EPB41L4A: variants seen among roughly 807,000 people sequenced by gnomAD.
EPB41L4A encodes the protein erythrocyte membrane protein band 4.1 like 4A.
EPB41L4A carries 100 observed loss-of-function variants against 108.6 expected under a neutral mutation model. The observed-to-expected ratio is 0.92, with a 90% CI of 0.78 to 1.09. The LOEUF (loss-of-function observed/expected upper bound fraction) is 1.09, where lower values mean the gene tolerates loss of function less well. EPB41L4A is among the 50% of genes least tolerant of loss of function. The pLI, the probability that EPB41L4A is intolerant of heterozygous loss-of-function variation, is 0.00. For synonymous variants in EPB41L4A, 319 were observed against 289.0 expected (o/e 1.10, Z -1.05); for missense variants, 1,030 against 842.7 (o/e 1.22, Z -2.75).
At chr5:112,180,916 G>A (rs1323692899) in intron 18 of EPB41L4A, among the ~76,000 whole-genome samples, 1 of 152,120 alleles carries the variant, frequency 6.6e-6, no homozygotes, top group East Asian at 1.9e-4. Flanking sequence ...CTTTAAAAAT[G>A]AAGATATATG....
chr5:112,241,160 G>A (rs1295426649), intron 9 of EPB41L4A, among the ~76,000 whole-genome samples: 2 of 152,048 alleles, frequency 1.3e-5, no homozygotes, highest in South Asian at 2.1e-4. Flanking sequence ...TCAACTCCCA[G>A]TAAAAAAAAG....
intron 12 of EPB41L4A, among the ~76,000 whole-genome samples, chr5:112,149,510 T>C (rs1265037852): frequency 6.6e-6 from 1 of 152,160 alleles, no homozygotes; most frequent in African/African-American, 2.4e-5. Context: ...CTCTAAATTA[T>C]GAATTATTTT....
chr5:112,288,399 A>G lies in EPB41L4A; in HGVS notation c.205-8076T>C, dbSNP rs79045804. 1.8e-4 allele frequency among the ~76,000 whole-genome samples: 28 copies of G among 152,314 alleles called. No homozygotes were observed. The East Asian group carries it at 5.2e-3, about 28-fold the overall frequency. On this transcript the variant is annotated intron_variant, in intron 2 of 22. Coordinates refer to ENST00000261486, the MANE Select transcript of EPB41L4A (RefSeq NM_022140.5). ...CTGAAAAGAGGCCTTTGAACTCCCA[A>G]TCTTCCTTAGGCAAAATCCAGGCCG...
intron 1 of EPB41L4A, among the ~76,000 whole-genome samples, chr5:112,347,061 G>C (rs1254752150): frequency 6.7e-6 from 1 of 148,250 alleles, no homozygotes. Context: ...ACAGTGCTCA[G>C]TGTGCTAAGA....
At chr5:112,165,170 A>G in intron 22 of EPB41L4A, 52 bp from the exon 23 acceptor site, 2 of 1,436,106 alleles carry the variant, frequency 1.4e-6, no homozygotes, top group Non-Finnish European at 1.9e-6. Flanking sequence ...CAGCCAAATG[A>G]AGTATTTTAA....
At position 112,194,494 on chromosome 5, in the gene EPB41L4A, G is replaced by A. The variant is rs565557103; in HGVS notation, c.1502+74C>T. The A allele has an allele frequency of 9.2e-5, 76 of 825,228 alleles. 1 individual carries two copies. The South Asian group carries it at 1.4e-3, about 16-fold the overall frequency. The allele number at this position is 825,228 out of a possible 1,614,324, so 51.1% of individuals were successfully genotyped here. On this transcript the variant is annotated intron_variant, in intron 17 of 22. Coordinates refer to ENST00000261486, the MANE Select transcript of EPB41L4A (RefSeq NM_022140.5). Reference sequence around the variant, plus strand: ...CAGATGGAAAAAACAGACTTACAAAGGACACTCAGTTTCTACCACCAAGGG... The same window carrying A: ...CAGATGGAAAAAACAGACTTACAAAAGACACTCAGTTTCTACCACCAAGGG...
At chr5:112,239,062 G>A (rs1256824402) in intron 11 of EPB41L4A, among the ~76,000 whole-genome samples, 2 of 152,180 alleles carry the variant, frequency 1.3e-5, no homozygotes, top group Non-Finnish European at 2.9e-5. Context: ...ATTACCTGGA[G>A]AAGGGACTTG....
At chr5:112,360,279 G>A (rs1164940006) in intron 1 of EPB41L4A, among the ~76,000 whole-genome samples, 2 of 151,936 alleles carry the variant, frequency 1.3e-5, no homozygotes, top group African/African-American at 2.4e-5. Flanking sequence ...ACTGACCCTC[G>A]ACCCTCTCCC....
At chr5:112,277,548 G>A (rs1488943275) in intron 3 of EPB41L4A, among the ~76,000 whole-genome samples, 1 of 152,016 alleles carries the variant, frequency 6.6e-6, no homozygotes, top group Non-Finnish European at 1.5e-5. Flanking sequence ...ACAAAAACTT[G>A]GGAACATATG....
chr5:112,145,492 C>T (rs1007499693), intron 13 of EPB41L4A, among the ~76,000 whole-genome samples: 1 of 152,170 alleles, frequency 6.6e-6, no homozygotes. Flanking sequence ...TGCTGACAGC[C>T]ATTGTACACA....
chr5:112,209,281 G>A (rs1436873486), intron 13 of EPB41L4A, among the ~76,000 whole-genome samples: 2 of 152,194 alleles, frequency 1.3e-5, no homozygotes, highest in Non-Finnish European at 2.9e-5. Flanking sequence ...CATAATTGGA[G>A]AGAAGAAAAA....
intron 1 of EPB41L4A, among the ~76,000 whole-genome samples, chr5:112,389,160 T>C (rs537081585): frequency 8.5e-5 from 13 of 152,320 alleles, no homozygotes; most frequent in African/African-American, 2.9e-4. Context: ...AAATCTCTAA[T>C]ATTTTCAAAC....
intron 1 of EPB41L4A, 129 bp downstream of exon 1, chr5:112,418,812 C>A: frequency 1.6e-6 from 1 of 641,628 alleles, no homozygotes; most frequent in East Asian, 2.8e-5. Context: ...CAGGGGACAG[C>A]GGCCTCTCCT....
downstream of EPB41L4A, chr5:112,161,472 C>T (rs1322680652): frequency 1.9e-6 from 1 of 517,804 alleles, no homozygotes; most frequent in Non-Finnish European, 3.9e-6. Context: ...TAAAGCCTAC[C>T]TCACGCAGTG....
chr5:112,305,966 C>A lies in EPB41L4A; in HGVS notation c.204+1420G>T, dbSNP rs569656252. On this transcript the variant is annotated intron_variant, in intron 2 of 22. Transcript: ENST00000261486. ...TACAAAACTTTCAATAAACTAGCAA[C>A]ACTAACTGCTACAGTAGGGGCCATT... 4.6e-5 allele frequency among the ~76,000 whole-genome samples: 7 copies of A among 152,236 alleles called. No individual in the cohort carries two copies. The South Asian group carries it at 1.2e-3, about 27-fold the overall frequency.
intron 1 of EPB41L4A, among the ~76,000 whole-genome samples, chr5:112,347,684 T>G (rs527750111): frequency 1.3e-5 from 2 of 152,214 alleles, no homozygotes; most frequent in Non-Finnish European, 2.9e-5. Flanking sequence ...TAGAACATAA[T>G]TGAATATTTG....
intron 1 of EPB41L4A, among the ~76,000 whole-genome samples, chr5:112,384,483 C>T (rs1326084095): frequency 1.3e-5 from 2 of 151,960 alleles, no homozygotes; most frequent in Non-Finnish European, 2.9e-5. Flanking sequence ...GCAAAGATGA[C>T]TCTGTTGCAA....
chr5:112,304,496 T>A (rs187574467), intron 2 of EPB41L4A, among the ~76,000 whole-genome samples: 1 of 152,322 alleles, frequency 6.6e-6, no homozygotes, highest in Admixed American at 6.5e-5. Context: ...GGCTAAGCGC[T>A]TTCCCTTTCA....
intron 9 of EPB41L4A, chr5:112,257,324 T>G (rs1751171897): frequency 6.6e-6 from 1 of 152,170 alleles, no homozygotes; most frequent in African/African-American, 2.4e-5. Flanking sequence ...CTGAGTTATA[T>G]GACCTGCTTT....
Sources: allele counts gnomAD v4.1 joint callset (sites outside exome capture counted in the v4.1 genomes callset), GRCh38; gene constraint gnomAD v4.1.1; transcripts MANE v1.5; gene names NCBI Gene and HGNC (gene_info 2026-07-23, HGNC 2026-07-21).